The following FAT3 variants were observed in gnomAD, a reference collection of about 807,000 sequenced individuals.
The protein encoded by FAT3 is FAT atypical cadherin 3.
A neutral mutation model predicts 310.2 loss-of-function variants in FAT3; 95 were observed. The observed-to-expected ratio is 0.31, with a 90% CI of 0.26 to 0.36. The LOEUF (loss-of-function observed/expected upper bound fraction) is 0.36, where lower values mean the gene tolerates loss of function less well. Among genes scored for constraint, FAT3 ranks in the 10% least tolerant of loss-of-function variants. FAT3 has a pLI of 1.00. For missense variants in FAT3, 5,408 were observed against 5,715.6 expected (o/e 0.95, Z 1.74); for synonymous variants, 2,314 against 2,192.9 (o/e 1.06, Z -1.54).
intron 1 of FAT3, among the ~76,000 whole-genome samples, chr11:92,240,941 C>T (rs143200654): frequency 2.6e-5 from 4 of 151,982 alleles, no homozygotes; most frequent in East Asian, 3.9e-4. Flanking sequence ...CCCATGCCCC[C>T]CTTCCTGCCA....
At chr11:92,567,518 C>G (rs1348216169) in intron 3 of FAT3, among the ~76,000 whole-genome samples, 2 of 150,262 alleles carry the variant, frequency 1.3e-5, no homozygotes, top group African/African-American at 4.9e-5. Flanking sequence ...CCATTTGACC[C>G]AGCCATCCCA....
At chr11:92,363,954 T>A (rs1948948018) in intron 2 of FAT3, among the ~76,000 whole-genome samples, 1 of 152,186 alleles carries the variant, frequency 6.6e-6, no homozygotes, top group Non-Finnish European at 1.5e-5. Flanking sequence ...TTTATTACTC[T>A]TTTCAGCAGG....
intron 6 of FAT3, among the ~76,000 whole-genome samples, chr11:92,767,517 AC>A (rs1946345031): frequency 6.6e-6 from 1 of 151,816 alleles, no homozygotes; most frequent in East Asian, 1.9e-4. Flanking sequence ...CCTCACTTGT[AC>A]TCTGCTTTTG....
intron 3 of FAT3, among the ~76,000 whole-genome samples, chr11:92,655,008 A>G (rs1272347673): frequency 6.6e-6 from 1 of 152,174 alleles, no homozygotes; most frequent in Non-Finnish European, 1.5e-5. Context: ...CCATGGGCCT[A>G]TAATGACCTC....
At chr11:92,451,383 C>G (rs1003968771) in intron 2 of FAT3, among the ~76,000 whole-genome samples, 1 of 152,094 alleles carries the variant, frequency 6.6e-6, no homozygotes, top group Admixed American at 6.6e-5. Context: ...TTCCCTTGAG[C>G]GAGTGTTATT....
At chr11:92,854,795 C>T (rs1270493501) in intron 19 of FAT3, among the ~76,000 whole-genome samples, 2 of 152,134 alleles carry the variant, frequency 1.3e-5, no homozygotes, top group Admixed American at 1.3e-4. Context: ...CTTTGCAATG[C>T]AGCCATTACA....
chr11:92,448,457 C>T (rs910247140), intron 2 of FAT3, among the ~76,000 whole-genome samples: 79 of 152,256 alleles, frequency 5.2e-4, no homozygotes, highest in African/African-American at 1.9e-3. Flanking sequence ...GAAACAGTAA[C>T]TTTTCATATT....
chr11:92,400,015 G>GGAAA (rs1949974402), intron 2 of FAT3, among the ~76,000 whole-genome samples: 1 of 152,108 alleles, frequency 6.6e-6, no homozygotes, highest in Admixed American at 6.6e-5. Context: ...TTCTTATTGA[G>GGAAA]GCACAGACTA....
At chr11:92,270,616 G>A (rs1216522946) in intron 1 of FAT3, among the ~76,000 whole-genome samples, 1 of 152,040 alleles carries the variant, frequency 6.6e-6, no homozygotes, top group Non-Finnish European at 1.5e-5. Context: ...AACCCAGGAG[G>A]CAGAGGTTGC....
intron 6 of FAT3, chr11:92,766,806 T>C (rs10466349): frequency 0.78 from 119,047 of 152,144 alleles, 47,025 homozygotes; most frequent in Non-Finnish European, 0.83. Context: ...TTCTTCTTTC[T>C]TGGCACCACA....
chr11:92,353,229 C>G lies in FAT3; in HGVS notation c.1117C>G (p.Pro373Ala), dbSNP rs377516380. The G allele has an allele frequency of 2.5e-5, 41 of 1,613,648 alleles. No homozygotes were observed. The East Asian group carries it at 8.0e-4, about 32-fold the overall frequency. Residue 373 changes from proline to alanine, a missense_variant, in exon 2 of 28, where the codon CCC becomes GCC. Pro to Ala is a conservative substitution (Grantham distance 27). Around this residue, in one of 5 missense-constraint regions of FAT3, gnomAD observed 4,588 missense variants for 4,809.8 expected, o/e 0.95. Transcript: ENST00000525166. ...TGGCAACCCCACAAGAGACACTGTCCCCATTAGATTTGAAAAAGAAGTGTA... is the reference window on the plus strand; with the variant it reads ...TGGCAACCCCACAAGAGACACTGTCGCCATTAGATTTGAAAAAGAAGTGTA... Reference protein sequence around the residue: ...YIGNPTRDTVPIRFEKEVYDV... With the variant: ...YIGNPTRDTVAIRFEKEVYDV...
At chr11:92,791,326 C>T (rs1947035297) in intron 8 of FAT3, among the ~76,000 whole-genome samples, 1 of 152,158 alleles carries the variant, frequency 6.6e-6, no homozygotes, top group Non-Finnish European at 1.5e-5. Context: ...TGGAACTGAC[C>T]TAGATTTCAA....
intron 3 of FAT3, among the ~76,000 whole-genome samples, chr11:92,589,991 A>C (rs1328656940): frequency 6.6e-6 from 1 of 152,134 alleles, no homozygotes; most frequent in Non-Finnish European, 1.5e-5. Context: ...TAGATTTTTA[A>C]GTTGGAACAA....
chr11:92,483,756 G>A (rs556390445), intron 2 of FAT3, among the ~76,000 whole-genome samples: 6 of 152,128 alleles, frequency 3.9e-5, no homozygotes, highest in Non-Finnish European at 8.8e-5. Flanking sequence ...TAATGAAAGT[G>A]TCAGATAACC....
intron 3 of FAT3, among the ~76,000 whole-genome samples, chr11:92,615,522 C>G (rs1940760959): frequency 6.6e-6 from 1 of 152,202 alleles, no homozygotes; most frequent in African/African-American, 2.4e-5. Flanking sequence ...GCTGGGATTA[C>G]AGGCGTAAGC....
chr11:92,767,615 C>G (rs1254793648), intron 6 of FAT3, among the ~76,000 whole-genome samples: 2 of 152,156 alleles, frequency 1.3e-5, no homozygotes, highest in Admixed American at 1.3e-4. Flanking sequence ...AACTCTTCAT[C>G]ATTCCTGCAT....
intron 2 of FAT3, among the ~76,000 whole-genome samples, chr11:92,427,345 T>G (rs974589535): frequency 6.6e-6 from 1 of 152,166 alleles, no homozygotes; most frequent in African/African-American, 2.4e-5. Context: ...CTCTTCCTAT[T>G]TAAATACCCT....
At chr11:92,460,517 T>C (rs149564878) in intron 2 of FAT3, among the ~76,000 whole-genome samples, 281 of 152,348 alleles carry the variant, frequency 1.8e-3, no homozygotes, top group African/African-American at 6.2e-3. Context: ...GATTTCACTT[T>C]TCTAACAGTG....
intron 1 of FAT3, among the ~76,000 whole-genome samples, chr11:92,329,293 C>T (rs533448787): frequency 7.8e-4 from 119 of 152,070 alleles, no homozygotes; most frequent in African/African-American, 1.2e-3. Flanking sequence ...GCCCTCCCTC[C>T]GAGATGAGTG....
Sources: allele counts gnomAD v4.1 joint callset (sites outside exome capture counted in the v4.1 genomes callset), GRCh38; gene constraint gnomAD v4.1.1; regional missense constraint gnomAD v4.1.1; transcripts MANE v1.5; gene names NCBI Gene and HGNC (gene_info 2026-07-23, HGNC 2026-07-21).